The following DLGAP1 variants were observed in gnomAD, a reference collection of about 807,000 sequenced individuals.
DLGAP1 encodes the protein disks large-associated protein 1.
DLGAP1 carries 11 observed loss-of-function variants against 90.8 expected under a neutral mutation model. That is an observed-to-expected ratio of 0.12 (90% CI 0.08 to 0.20). DLGAP1 has a LOEUF of 0.20. Ranked by LOEUF, DLGAP1 falls within the 10% of genes least tolerant of loss-of-function variation. The pLI, the probability that DLGAP1 is intolerant of heterozygous loss-of-function variation, is 1.00. For missense variants in DLGAP1, 1,050 were observed against 1,333.8 expected, an observed-to-expected ratio of 0.79 and a Z score of 3.31; for synonymous variants, 558 against 540.7, an observed-to-expected ratio of 1.03 and a Z score of -0.44.
intron 1 of DLGAP1, among the ~76,000 whole-genome samples, chr18:4,353,949 T>C (rs535260185): frequency 6.6e-6 from 1 of 152,236 alleles, no homozygotes; most frequent in East Asian, 1.9e-4. Flanking sequence ...CCGTAGAAGC[T>C]GAGTAGGTTT....
Position 3,729,202 on chromosome 18 carries a change from G to A in DLGAP1, c.1524C>T (p.Cys508=), listed in dbSNP as rs1437617857. ...IEKGCSQDDE[C]VSLRSSSPPR... ...GCGGCGAGGACGACCTCAGGGACACGCACTCGTCGTCCTGGGAGCAGCCTT... is the reference window on the plus strand; with the variant it reads ...GCGGCGAGGACGACCTCAGGGACACACACTCGTCGTCCTGGGAGCAGCCTT... Residue 508 remains cysteine, a synonymous_variant, in exon 7 of 13, where the codon TGC becomes TGT. Coordinates refer to ENST00000315677, the MANE Select transcript of DLGAP1 (RefSeq NM_004746.4). The surrounding 1 kb of genome is among the most constrained non-coding windows in gnomAD (Gnocchi z 6.2). 1.2e-6 allele frequency: 2 copies of A among 1,613,714 alleles called. No homozygotes were observed. The highest frequency in any genetic ancestry group is 1.7e-6 in the Non-Finnish European group (2 of 1,179,864).
At chr18:3,580,912 A>G (rs2055466639) in intron 8 of DLGAP1, among the ~76,000 whole-genome samples, 1 of 152,178 alleles carries the variant, frequency 6.6e-6, no homozygotes, top group African/African-American at 2.4e-5. Context: ...AGTGCTGGGT[A>G]TCCCCCAGCC....
chr18:3,629,633 C>T (rs1172909010), intron 7 of DLGAP1, among the ~76,000 whole-genome samples: 1 of 151,776 alleles, frequency 6.6e-6, no homozygotes, highest in Non-Finnish European at 1.5e-5. Flanking sequence ...GATCGCGCCA[C>T]CGCACTCCAG....
intron 7 of DLGAP1, among the ~76,000 whole-genome samples, chr18:3,668,920 C>T (rs1336483719): frequency 1.3e-5 from 2 of 151,946 alleles, no homozygotes; most frequent in East Asian, 3.9e-4. Flanking sequence ...GGAGGCGGAG[C>T]TTGCAATGAG....
At chr18:3,939,522 T>G (rs1190457437) in intron 3 of DLGAP1, among the ~76,000 whole-genome samples, 1 of 146,900 alleles carries the variant, frequency 6.8e-6, no homozygotes, top group Non-Finnish European at 1.5e-5. Flanking sequence ...ACAAGTGGCA[T>G]AGAATATACA....
intron 1 of DLGAP1, among the ~76,000 whole-genome samples, chr18:4,206,384 T>C (rs918388170): frequency 6.6e-6 from 1 of 152,026 alleles, no homozygotes; most frequent in African/African-American, 2.4e-5. Context: ...GCTTTTTCAC[T>C]CCATTTTGCT....
chr18:3,789,202 G>A (rs146739216), intron 5 of DLGAP1, among the ~76,000 whole-genome samples: 210 of 152,272 alleles, frequency 1.4e-3, no homozygotes, highest in African/African-American at 4.8e-3. Context: ...AGGGCCTTTC[G>A]GATAATTTAC....
chr18:4,320,120 C>A (rs1349259556), intron 1 of DLGAP1, among the ~76,000 whole-genome samples: 2 of 152,110 alleles, frequency 1.3e-5, no homozygotes, highest in African/African-American at 4.8e-5. Context: ...GGGCATTTCC[C>A]CCTAAACATC....
At chr18:3,898,026 C>T (rs536793423) in intron 3 of DLGAP1, among the ~76,000 whole-genome samples, 1 of 151,884 alleles carries the variant, frequency 6.6e-6, no homozygotes, top group African/African-American at 2.4e-5. Context: ...GATCTCCTGA[C>T]CTCGTGATCC....
At chr18:3,562,967 C>T (rs1180564770) in intron 9 of DLGAP1, among the ~76,000 whole-genome samples, 1 of 151,962 alleles carries the variant, frequency 6.6e-6, no homozygotes, top group Non-Finnish European at 1.5e-5. Flanking sequence ...TAACTGGGAC[C>T]ACAGGCATGC....
intron 2 of DLGAP1, among the ~76,000 whole-genome samples, chr18:4,081,318 GAAA>G (rs1283723769): frequency 7.1e-6 from 1 of 140,340 alleles, no homozygotes; most frequent in Non-Finnish European, 1.6e-5. Flanking sequence ...TCCGTCTCAG[GAAA>G]AAAAAAAAAA....
At chr18:4,115,383 G>A (rs776629760) in intron 2 of DLGAP1, among the ~76,000 whole-genome samples, 5 of 151,088 alleles carry the variant, frequency 3.3e-5, no homozygotes, top group Non-Finnish European at 5.9e-5. Context: ...GAGGAAGTAC[G>A]TATTTATATA....
At chr18:4,300,555 C>G (rs774943507) in intron 1 of DLGAP1, among the ~76,000 whole-genome samples, 7 of 152,068 alleles carry the variant, frequency 4.6e-5, no homozygotes, top group Non-Finnish European at 1.5e-5. Context: ...TTGTTTTAAG[C>G]CTTACAGCCA....
intron 1 of DLGAP1, among the ~76,000 whole-genome samples, chr18:4,271,453 T>C (rs543656820): frequency 1.3e-5 from 2 of 152,176 alleles, no homozygotes; most frequent in Non-Finnish European, 2.9e-5. Context: ...TTATTATGAA[T>C]GAAAGAATAC....
intron 2 of DLGAP1, among the ~76,000 whole-genome samples, chr18:4,131,155 G>A (rs1419486691): frequency 6.6e-6 from 1 of 151,908 alleles, no homozygotes; most frequent in East Asian, 1.9e-4. Context: ...AACAAAGACC[G>A]TTATTGTCTC....
At chr18:3,656,764 G>C (rs945544734) in intron 7 of DLGAP1, among the ~76,000 whole-genome samples, 1 of 150,800 alleles carries the variant, frequency 6.6e-6, no homozygotes, top group Admixed American at 6.6e-5. Flanking sequence ...ACAGAGTCTC[G>C]CTCTGTCACC....
At chr18:3,731,299 G>C (rs144982731) in intron 6 of DLGAP1, among the ~76,000 whole-genome samples, 50 of 151,184 alleles carry the variant, frequency 3.3e-4, no homozygotes, top group African/African-American at 8.1e-4. Flanking sequence ...CATTAAACTC[G>C]GATGATTATC....
chr18:3,536,152 A>G (rs2052360701), intron 9 of DLGAP1, among the ~76,000 whole-genome samples: 1 of 151,802 alleles, frequency 6.6e-6, no homozygotes, highest in Admixed American at 6.6e-5. Flanking sequence ...CTGAAAGCAA[A>G]CTGAAGTAAG....
At chr18:4,095,938 A>T (rs2075670272) in intron 2 of DLGAP1, among the ~76,000 whole-genome samples, 1 of 152,086 alleles carries the variant, frequency 6.6e-6, no homozygotes, top group Non-Finnish European at 1.5e-5. Flanking sequence ...ATCAGCAGAA[A>T]CAAATTCTAA....
Sources: allele counts gnomAD v4.1 joint callset (sites outside exome capture counted in the v4.1 genomes callset), GRCh38; gene constraint gnomAD v4.1.1; non-coding constraint Gnocchi (gnomAD v3.1); transcripts MANE v1.5; gene names NCBI Gene and HGNC (gene_info 2026-07-23, HGNC 2026-07-21).